The following BABAM2 variants were observed in gnomAD, a reference collection of about 807,000 sequenced individuals.
BABAM2 encodes the protein BRISC and BRCA1-A complex member 2.
Under a neutral mutation model 54.7 loss-of-function variants are expected in BABAM2, and 31 were observed. That is an observed-to-expected ratio of 0.57 (90% CI 0.43 to 0.77). The LOEUF is 0.77. Among genes scored for constraint, BABAM2 ranks in the 30% least tolerant of loss-of-function variants. The pLI is 0.00. For missense variants in BABAM2, 364 were observed against 455.8 expected, an observed-to-expected ratio of 0.80 and a Z score of 1.83; for synonymous variants, 167 against 162.9, an observed-to-expected ratio of 1.03 and a Z score of -0.19.
intron 7 of BABAM2, among the ~76,000 whole-genome samples, chr2:28,197,980 G>C (rs953820634): frequency 1.3e-5 from 2 of 152,146 alleles, no homozygotes; most frequent in African/African-American, 4.8e-5. Flanking sequence ...TTTTGTCCAA[G>C]GCGGGAACCC....
intron 6 of BABAM2, among the ~76,000 whole-genome samples, chr2:28,062,575 C>CAAAAAAAA (rs200543877): frequency 7.4e-6 from 1 of 135,014 alleles, no homozygotes. Context: ...AAAAAAAAAC[C>CAAAAAAAA]AAAAAAAAAA....
chr2:27,979,032 CT>C (rs35403760), intron 3 of BABAM2, among the ~76,000 whole-genome samples: 10 of 139,842 alleles, frequency 7.2e-5, no homozygotes, highest in Non-Finnish European at 6.1e-5. Flanking sequence ...TTCTTTTTTT[CT>C]TTTTTTTTTT....
intron 3 of BABAM2, among the ~76,000 whole-genome samples, chr2:27,975,248 T>A (rs925541861): frequency 3.3e-5 from 5 of 152,038 alleles, no homozygotes; most frequent in Non-Finnish European, 7.4e-5. Flanking sequence ...ATTGACAAGA[T>A]GATTTTAAAA....
At chr2:28,147,761 C>A (rs1037185352) in intron 7 of BABAM2, among the ~76,000 whole-genome samples, 9 of 152,248 alleles carry the variant, frequency 5.9e-5, no homozygotes, top group African/African-American at 1.7e-4. Context: ...GCGTGAGCCA[C>A]TGCGCCCGGC....
chr2:28,258,997 G>C (rs111238849), intron 10 of BABAM2, among the ~76,000 whole-genome samples: 2,794 of 125,312 alleles, frequency 0.022, 88 homozygotes, highest in African/African-American at 0.078. Context: ...GGATGGTCTC[G>C]ATCTCTTGTC....
upstream of BABAM2, chr2:27,890,606 G>C (rs1042096542): frequency 2.3e-6 from 1 of 443,078 alleles, no homozygotes; most frequent in Non-Finnish European, 4.1e-6. The surrounding 1 kb of genome is among the most constrained non-coding windows in gnomAD (Gnocchi z 4.8). Flanking sequence ...CGGGGCAGGC[G>C]CTGAGGAAGG....
At chr2:28,267,399 G>C (rs1685071150) in intron 10 of BABAM2, among the ~76,000 whole-genome samples, 2 of 151,520 alleles carry the variant, frequency 1.3e-5, no homozygotes, top group South Asian at 4.2e-4. Context: ...CCCAGGCCCA[G>C]CTGTTGCTTC....
intron 6 of BABAM2, among the ~76,000 whole-genome samples, chr2:28,101,148 G>A (rs545959418): frequency 6.6e-6 from 1 of 152,092 alleles, no homozygotes; most frequent in Non-Finnish European, 1.5e-5. Context: ...ACTCATCCAG[G>A]TTTTAAATAA....
intron 3 of BABAM2, among the ~76,000 whole-genome samples, chr2:27,973,600 T>A (rs550275349): frequency 1.3e-5 from 2 of 152,032 alleles, no homozygotes; most frequent in South Asian, 4.2e-4. Flanking sequence ...AAACTCCCAG[T>A]TTCAAGCCAG....
chr2:27,916,624 C>T (rs1573159033), intron 2 of BABAM2, among the ~76,000 whole-genome samples: 1 of 152,286 alleles, frequency 6.6e-6, no homozygotes, highest in Admixed American at 6.5e-5. Flanking sequence ...AATGCATTCT[C>T]TTTCTTCTTA....
intron 8 of BABAM2, 60 bp from the exon 9 acceptor site, chr2:28,241,263 T>G: frequency 6.6e-7 from 1 of 1,506,006 alleles, no homozygotes; most frequent in Non-Finnish European, 9.2e-7. Flanking sequence ...TTGAAATTTC[T>G]TATAATAAAG....
chr2:27,929,968 T>C (rs189733649), intron 3 of BABAM2, 60 bp downstream of exon 3: 19 of 1,481,998 alleles, frequency 1.3e-5, no homozygotes, highest in Non-Finnish European at 1.7e-5. Flanking sequence ...TATTGGACTT[T>C]GTGCTTTAGT....
At chr2:28,013,775 T>C (rs1237146109) in intron 4 of BABAM2, among the ~76,000 whole-genome samples, 4 of 148,442 alleles carry the variant, frequency 2.7e-5, no homozygotes, top group Non-Finnish European at 5.9e-5. Context: ...GGTTGTTGGT[T>C]GAGAGGCAGG....
chr2:27,976,938 T>G (rs1029601840), intron 3 of BABAM2, among the ~76,000 whole-genome samples: 2 of 152,176 alleles, frequency 1.3e-5, no homozygotes, highest in African/African-American at 2.4e-5. Flanking sequence ...TTAAATGACC[T>G]AAGTTTAGCC....
rs551573700 is a variant in BABAM2, at chr2:28,338,427, T to C, written c.1089-23T>C. The C allele has an allele frequency of 5.6e-6, 9 of 1,608,524 alleles. No homozygotes were observed. The African/African-American group carries it at 1.2e-4, about 21-fold the overall frequency. On this transcript the variant is annotated intron_variant, in intron 11 of 11. Transcript: ENST00000379624. The stretch of plus-strand genomic sequence containing the variant: ...GTTGTTTGTGCTAACCACAATTTTT[T>C]TTCTCCCCTTCTTTCCCACCAGGGC...
In BABAM2 at chr2:27,948,563, G is replaced by A. The variant is rs6752310; in HGVS notation, c.205+18655G>A. The stretch of plus-strand genomic sequence containing the variant: ...AGGTGGGTGGATCACCTGAGGTCAG[G>A]AGTTAGAGACCAGCCTGGCCAACAT... On this transcript the variant is annotated intron_variant, in intron 3 of 11. Transcript: ENST00000379624. Among the ~76,000 whole-genome samples, 1,230 of 152,306 alleles carry A rather than the reference G, an allele frequency of 8.1e-3. 13 individuals are homozygous for A. The highest frequency in any genetic ancestry group is 0.029 in the African/African-American group (1,189 of 41,586).
chr2:28,316,407 A>AGTGGGGGTGGGGGTGGGG (rs1195024001), intron 11 of BABAM2, among the ~76,000 whole-genome samples: 11 of 13,734 alleles, frequency 8.0e-4, no homozygotes, highest in Non-Finnish European at 1.3e-3. Context: ...TGGGGGTGGG[A>AGTGGGGGTGGGGGTGGGG]GTGGGGGTGG....
Position 27,988,078 on chromosome 2 carries a change from A to G in BABAM2, c.291A>G (p.Ser97=). Residue 97 remains serine, a synonymous_variant, in exon 4 of 12, where the codon TCA becomes TCG. Transcript: ENST00000379624. ...GEDAEFLPDP[S]ALQNLASWNP... ...ATGCTGAATTCCTGCCAGACCCCTC[A>G]GCTTTGCAGGTGAGTACTGCAGACT... is the stretch of plus-strand genomic sequence containing the variant. 6.2e-7 allele frequency: 1 copy of G among 1,613,118 alleles called. No homozygotes were observed. The highest frequency in any genetic ancestry group is 8.5e-7 in the Non-Finnish European group (1 of 1,179,196).
chr2:28,321,694 C>G (rs1690034180), intron 11 of BABAM2, among the ~76,000 whole-genome samples: 1 of 152,136 alleles, frequency 6.6e-6, no homozygotes, highest in Non-Finnish European at 1.5e-5. Flanking sequence ...GGTGTCTTTT[C>G]AGGCAAAAAG....
Sources: allele counts gnomAD v4.1 joint callset (sites outside exome capture counted in the v4.1 genomes callset), GRCh38; gene constraint gnomAD v4.1.1; non-coding constraint Gnocchi (gnomAD v3.1); transcripts MANE v1.5; gene names NCBI Gene and HGNC (gene_info 2026-07-23, HGNC 2026-07-21).